Variants in CCBE1 observed in about 807,000 individuals in gnomAD.
CCBE1 encodes the protein collagen and calcium binding EGF domains 1.
A neutral mutation model predicts 50.0 loss-of-function variants in CCBE1; 37 were observed. The observed-to-expected ratio is 0.74, with a 90% CI of 0.57 to 0.97. The LOEUF is 0.97. Among genes scored for constraint, CCBE1 ranks in the 50% least tolerant of loss-of-function variants. The pLI is 0.00. For synonymous variants in CCBE1, 234 were observed against 203.7 expected (o/e 1.15, Z -1.27); for missense variants, 538 against 523.8 (o/e 1.03, Z -0.26).
At chr18:59,610,581 G>C (rs2053555004) in intron 2 of CCBE1, among the ~76,000 whole-genome samples, 1 of 152,196 alleles carries the variant, frequency 6.6e-6, no homozygotes, top group Non-Finnish European at 1.5e-5. Flanking sequence ...GTTTTAAACA[G>C]ATTGTCTGAG....
At position 59,435,425 on chromosome 18, in the gene CCBE1, C is replaced by T. The variant is rs1291357383; in HGVS notation, c.*483G>A. On this transcript the variant is annotated 3_prime_UTR_variant, in exon 11 of 11. Coordinates refer to ENST00000439986, the MANE Select transcript of CCBE1 (RefSeq NM_133459.4). ...CACCAAAGCACATCGACACGTTTGT[C>T]CTCCCCACCCCTTTTTAACTGAAGA... 2.4e-5 allele frequency: 4 copies of T among 168,756 alleles called. No individual in the cohort carries two copies. Among genetic ancestry groups the T allele is most frequent in the Non-Finnish European group, 5.2e-5 (4 of 77,460 alleles). The allele number at this position is 168,756 out of a possible 1,614,324, so 10.5% of individuals were successfully genotyped here. A position where few individuals can be genotyped will look rare whatever the true frequency, so the allele number is the denominator to read the frequency against.
At chr18:59,642,469 G>A (rs1178465456) in intron 2 of CCBE1, among the ~76,000 whole-genome samples, 1 of 151,824 alleles carries the variant, frequency 6.6e-6, no homozygotes, top group East Asian at 1.9e-4. Flanking sequence ...CCTCCTTGGA[G>A]ACATCCTCTA....
At chr18:59,502,959 C>A (rs1017779495) in intron 2 of CCBE1, among the ~76,000 whole-genome samples, 16 of 152,224 alleles carry the variant, frequency 1.1e-4, no homozygotes, top group African/African-American at 3.9e-4. Context: ...CAGTGACCAA[C>A]AAACGGCAAT....
At chr18:59,514,645 GAA>G (rs11438608) in intron 2 of CCBE1, among the ~76,000 whole-genome samples, 11 of 96,002 alleles carry the variant, frequency 1.1e-4, no homozygotes, top group East Asian at 5.8e-4. Context: ...TCCTTTCCTT[GAA>G]AAAAAAAAAA....
At chr18:59,460,422 T>C (rs1299506913) in intron 5 of CCBE1, among the ~76,000 whole-genome samples, 1 of 152,220 alleles carries the variant, frequency 6.6e-6, no homozygotes, top group Non-Finnish European at 1.5e-5. Context: ...AAAATGACCA[T>C]AACGAAATAT....
intron 2 of CCBE1, among the ~76,000 whole-genome samples, chr18:59,693,664 C>G (rs952019506): frequency 6.6e-6 from 1 of 152,122 alleles, no homozygotes; most frequent in African/African-American, 2.4e-5. Flanking sequence ...AAAATCAAGT[C>G]TGCAAACTGA....
rs189665501 is a variant in CCBE1 at position 59,618,211 on chromosome 18, G to C, written c.212+78418C>G. 2.4e-3 allele frequency among the ~76,000 whole-genome samples: 372 copies of C among 152,204 alleles called. 5 individuals are homozygous for C. Among genetic ancestry groups the C allele is most frequent in the African/African-American group, 8.5e-3 (352 of 41,526 alleles). ...TGCCTGCAACCCCAGCTACTTGGGA[G>C]GCATAGGCAGAAGGGAAACTTGAGG... On this transcript the variant is annotated intron_variant, in intron 2 of 10. Coordinates refer to ENST00000439986, the MANE Select transcript of CCBE1 (RefSeq NM_133459.4).
intron 2 of CCBE1, among the ~76,000 whole-genome samples, chr18:59,553,476 C>T (rs550149023): frequency 1.3e-5 from 2 of 152,330 alleles, no homozygotes; most frequent in South Asian, 4.1e-4. Flanking sequence ...CCTTGGAAAT[C>T]AACAGATGGG....
intron 2 of CCBE1, among the ~76,000 whole-genome samples, chr18:59,598,287 C>A (rs1294040873): frequency 6.6e-6 from 1 of 152,214 alleles, no homozygotes; most frequent in Admixed American, 6.5e-5. Context: ...ATCACCCCAC[C>A]TCTGTTGTGA....
chr18:59,479,285 C>G (rs753876925), intron 3 of CCBE1, among the ~76,000 whole-genome samples: 8 of 152,152 alleles, frequency 5.3e-5, no homozygotes, highest in Non-Finnish European at 1.0e-4. Context: ...CCTCTACTTT[C>G]TACTTGTTTA....
Position 59,435,863 on chromosome 18 carries a change from T to G in CCBE1, c.*45A>C. ...TCTCTTTAGATGGTTTAACTGCAGG[T>G]GAGTTGATCTTTCTCTTCCTTTGGC... On this transcript the variant is annotated 3_prime_UTR_variant, in exon 11 of 11. Transcript: ENST00000439986. 3.3e-6 allele frequency: 5 copies of G among 1,523,080 alleles called. No individual in the cohort carries two copies. The highest frequency in any genetic ancestry group is 3.6e-6 in the Non-Finnish European group (4 of 1,096,956). The allele number at this position is 1,523,080 out of a possible 1,614,324, so 94.3% of individuals were successfully genotyped here. A position where few individuals can be genotyped will look rare whatever the true frequency, so the allele number is the denominator to read the frequency against.
chr18:59,564,444 G>A (rs1346379033), intron 2 of CCBE1, among the ~76,000 whole-genome samples: 1 of 152,138 alleles, frequency 6.6e-6, no homozygotes, highest in African/African-American at 2.4e-5. Flanking sequence ...ACATAGAGCT[G>A]CATATTATTT....
In CCBE1 at chr18:59,545,911, T is replaced by C. The variant is rs532523095; in HGVS notation, c.213-65673A>G. Among the ~76,000 whole-genome samples, 4 of 152,160 alleles carry C rather than the reference T, an allele frequency of 2.6e-5. No individual in the cohort carries two copies. In the East Asian group the frequency reaches 7.7e-4, roughly 29 times the overall value. On this transcript the variant is annotated intron_variant, in intron 2 of 10. Transcript: ENST00000439986. ...AACTGTAAGTCCAATTAAACCTCTT[T>C]TTCTTCTGAGTCTCAGGTACGTCTC...
At chr18:59,644,586 G>A (rs1046363200) in intron 2 of CCBE1, among the ~76,000 whole-genome samples, 1 of 152,198 alleles carries the variant, frequency 6.6e-6, no homozygotes, top group Non-Finnish European at 1.5e-5. Context: ...ACTGAATGCT[G>A]CAGTAGTTAA....
chr18:59,589,808 A>G (rs533193300), intron 2 of CCBE1, among the ~76,000 whole-genome samples: 67 of 132,404 alleles, frequency 5.1e-4, no homozygotes, highest in African/African-American at 1.1e-3. Flanking sequence ...AAAAAAAAAA[A>G]AAAGAAAGAA....
At chr18:59,619,305 CATT>C (rs2053680950) in intron 2 of CCBE1, among the ~76,000 whole-genome samples, 1 of 152,054 alleles carries the variant, frequency 6.6e-6, no homozygotes, top group Admixed American at 6.6e-5. Flanking sequence ...ATTTATTTAT[CATT>C]ATTATTTTGT....
At chr18:59,673,092 A>C (rs2054456767) in intron 2 of CCBE1, among the ~76,000 whole-genome samples, 1 of 152,190 alleles carries the variant, frequency 6.6e-6, no homozygotes, top group Non-Finnish European at 1.5e-5. Context: ...AAGTTATGGG[A>C]CTGTGAGAAA....
intron 2 of CCBE1, among the ~76,000 whole-genome samples, chr18:59,682,088 G>T (rs546643440): frequency 6.6e-6 from 1 of 152,270 alleles, no homozygotes; most frequent in South Asian, 2.1e-4. Context: ...CCCAGACCGG[G>T]CGCGTTGGCT....
intron 3 of CCBE1, among the ~76,000 whole-genome samples, chr18:59,469,992 GGCCAGCTGGGGTGACAGGCACT>G (rs1911953065): frequency 6.6e-6 from 1 of 152,166 alleles, no homozygotes; most frequent in Admixed American, 6.5e-5. Context: ...ACTAAACAAA[GGCCAGCTGGGGTGACAGGCACT>G]GGTGTCATCA....
Sources: gnomAD v4.1 joint callset for allele counts (sites outside exome capture counted in the v4.1 genomes callset) on GRCh38, gnomAD v4.1.1 for gene constraint, MANE v1.5 for transcripts, NCBI Gene and HGNC (gene_info 2026-07-23, HGNC 2026-07-21) for gene names.